Variants in F11 observed in about 807,000 individuals in gnomAD.
F11 encodes coagulation factor XI, also known as coagualtion factor XI.
F11 carries 78 observed loss-of-function variants against 76.5 expected under a neutral mutation model. The observed-to-expected ratio is 1.02, with a 90% CI of 0.85 to 1.23. F11 has a LOEUF of 1.23. Ranked by LOEUF, F11 falls within the 50% of genes most tolerant of loss-of-function variation. The pLI is 0.00. For synonymous variants in F11, 278 were observed against 276.3 expected, an observed-to-expected ratio of 1.01 and a Z score of -0.06; for missense variants, 742 against 771.4, an observed-to-expected ratio of 0.96 and a Z score of 0.45.
intron 5 of F11, chr4:186,274,527 C>T (rs1197355938): frequency 3.9e-6 from 2 of 507,946 alleles, no homozygotes; most frequent in African/African-American, 3.9e-5. Context: ...TTCAAAAGCG[C>T]TACACTTTTA....
chr4:186,286,614 T>C, intron 13 of F11, 104 bp downstream of exon 13: 1 of 1,571,016 alleles, frequency 6.4e-7, no homozygotes. Flanking sequence ...GTCACACTAC[T>C]CAGTTGCAGG....
chr4:186,274,498 A>T, intron 5 of F11: 2 of 587,300 alleles, frequency 3.4e-6, no homozygotes, highest in Non-Finnish European at 6.0e-6. Flanking sequence ...TGTCAGAAAA[A>T]TATATATACT....
chr4:186,283,120 A>G, intron 10 of F11: 1 of 837,920 alleles, frequency 1.2e-6, no homozygotes, highest in Non-Finnish European at 1.4e-6. Context: ...GAATTTCAGG[A>G]CCCACACAGA....
At chr4:186,273,759 G>A (rs1052710886) in intron 4 of F11, among the ~76,000 whole-genome samples, 9 of 152,250 alleles carry the variant, frequency 5.9e-5, no homozygotes, top group East Asian at 3.9e-4. Context: ...TTTATTAAAC[G>A]TATTAATCCA....
Position 186,288,450 on chromosome 4 carries a change from T to C in F11, c.1717-3T>C. 1.9e-6 allele frequency: 3 copies of C among 1,614,076 alleles called. No homozygotes were observed. The highest frequency in any genetic ancestry group is 2.5e-6 in the Non-Finnish European group (3 of 1,179,950). Reference sequence around the variant, plus strand: ...CACCTTTTCTTGTCTCCCCTCGTTCTAGGGAGATTCGGGAGGCCCTCTGTC... The same window carrying C: ...CACCTTTTCTTGTCTCCCCTCGTTCCAGGGAGATTCGGGAGGCCCTCTGTC... On this transcript the variant is annotated splice_region_variant and splice_polypyrimidine_tract_variant and intron_variant, in intron 14 of 14. Coordinates refer to ENST00000403665, the MANE Select transcript of F11 (RefSeq NM_000128.4).
At chr4:186,266,619 G>A (rs149493867) in intron 1 of F11, among the ~76,000 whole-genome samples, 7 of 152,294 alleles carry the variant, frequency 4.6e-5, no homozygotes, top group Non-Finnish European at 1.0e-4. Flanking sequence ...TCTGTTTAAT[G>A]CTTACTGGAG....
At chr4:186,280,606 T>C in intron 10 of F11, 26 bp downstream of exon 10, 1 of 1,526,806 alleles carries the variant, frequency 6.5e-7, no homozygotes, top group Non-Finnish European at 9.1e-7. Context: ...CTTGAAAAAA[T>C]ATAGCTGAAG....
At chr4:186,270,400 T>G (rs904797432) in intron 2 of F11, among the ~76,000 whole-genome samples, 3 of 152,156 alleles carry the variant, frequency 2.0e-5, no homozygotes, top group Non-Finnish European at 2.9e-5. Flanking sequence ...TTCCAAAAAT[T>G]TTTAAATGTT....
chr4:186,266,678 C>G (rs754294318), intron 1 of F11, among the ~76,000 whole-genome samples: 6 of 150,860 alleles, frequency 4.0e-5, no homozygotes, highest in Non-Finnish European at 7.4e-5. Context: ...GTATCAGCCA[C>G]AGACTTTTTT....
chr4:186,279,307 G>A (rs1163452221), intron 7 of F11, among the ~76,000 whole-genome samples: 6 of 152,034 alleles, frequency 3.9e-5, no homozygotes, highest in African/African-American at 1.2e-4. Flanking sequence ...ACTTGAACCC[G>A]GGAGGCGGAG....
rs1346707439 is a variant in F11, at chr4:186,284,144, T to C, written c.1188T>C (p.Arg396=). The change falls in exon 11 of 15, where the codon CGT becomes CGC. Residue 396 remains arginine (R), a synonymous_variant. Transcript: ENST00000403665. ...PRIVGGTASV[R]GEWPWQVTLH... The stretch of plus-strand genomic sequence containing the variant: ...TCGTTGGAGGAACTGCGTCTGTTCG[T>C]GGTGAGTGGCCGTGGCAGGTGACCC... 2.5e-6 allele frequency: 4 copies of C among 1,614,236 alleles called. No homozygotes were observed. The highest frequency in any genetic ancestry group is 3.3e-5 in the Admixed American group (2 of 60,024).
At chr4:186,272,470 T>G (rs1358527716) in intron 3 of F11, among the ~76,000 whole-genome samples, 1 of 152,200 alleles carries the variant, frequency 6.6e-6, no homozygotes, top group African/African-American at 2.4e-5. Context: ...TTAAAACATT[T>G]TAAACAGTCC....
At chr4:186,271,507 C>T (rs1287008073) in intron 2 of F11, 102 bp from the exon 3 acceptor site, 3 of 1,281,572 alleles carry the variant, frequency 2.3e-6, no homozygotes, top group Non-Finnish European at 3.4e-6. Flanking sequence ...GGCGTATTTC[C>T]TGGTAAGTAG....
Position 186,276,294 on chromosome 4 carries a change from C to T in F11, c.659C>T (p.Ala220Val). Residue 220 changes from alanine to valine, a missense_variant, in exon 7 of 15, where the codon GCT becomes GTT. Ala to Val is a moderately conservative substitution (Grantham distance 64). Coordinates refer to ENST00000403665, the MANE Select transcript of F11 (RefSeq NM_000128.4). ...GACAGCAACATCGACAGTGTCATGG[C>T]TCCCGATGCTTTTGTCTGTGGCCGA... ...FADSNIDSVMAPDAFVCGRIC... is the reference protein window; with the variant it reads ...FADSNIDSVMVPDAFVCGRIC... The T allele has an allele frequency of 1.9e-6, 3 of 1,614,146 alleles. No homozygotes were observed. Among genetic ancestry groups the T allele is most frequent in the East Asian group, 2.2e-5 (1 of 44,884 alleles).
intron 7 of F11, among the ~76,000 whole-genome samples, chr4:186,279,368 G>A (rs1580087318): frequency 6.6e-6 from 1 of 150,418 alleles, no homozygotes; most frequent in East Asian, 1.9e-4. Flanking sequence ...GGTGACAAGA[G>A]AAAGACTATG....
At chr4:186,276,950 G>A (rs967030609) in intron 7 of F11, among the ~76,000 whole-genome samples, 4 of 152,134 alleles carry the variant, frequency 2.6e-5, no homozygotes, top group African/African-American at 7.2e-5. Context: ...TACAGGTACA[G>A]TTGTGTTACA....
rs567451638 is a variant in F11, at chr4:186,271,768, G to A, written c.215G>A (p.Arg72Gln). The change falls in exon 3 of 15, where the codon CGA (arginine) becomes CAA (glutamine). Residue 72 changes from arginine (R) to glutamine (Q), a missense_variant. Coordinates refer to ENST00000403665, the MANE Select transcript of F11 (RefSeq NM_000128.4). The stretch of plus-strand genomic sequence containing the variant: ...GAATCACCATCTGAGGATCCCACCC[G>A]ATGGTAAATGCTTATGTTTCTACAT... ...TAESPSEDPT[R>Q]WFTCVLKDSV... is the part of the protein sequence containing the mutation. 10 of 1,614,124 alleles carry A rather than the reference G, an allele frequency of 6.2e-6. No homozygotes were observed. The highest frequency in any genetic ancestry group is 5.5e-5 in the South Asian group (5 of 91,086).
chr4:186,284,394 T>C, intron 11 of F11, 134 bp downstream of exon 11: 2 of 943,394 alleles, frequency 2.1e-6, no homozygotes, highest in Non-Finnish European at 3.2e-6. Flanking sequence ...GCTTCAGTGG[T>C]AAAAAACGCA....
intron 7 of F11, among the ~76,000 whole-genome samples, chr4:186,277,757 T>C (rs1740489614): frequency 6.6e-6 from 1 of 152,178 alleles, no homozygotes. Context: ...GAAAATTTCT[T>C]TGATTATCAA....
Sources: gnomAD v4.1 joint callset for allele counts (sites outside exome capture counted in the v4.1 genomes callset) on GRCh38, gnomAD v4.1.1 for gene constraint, MANE v1.5 for transcripts, NCBI Gene and HGNC (gene_info 2026-07-23, HGNC 2026-07-21) for gene names.